The following RNFT2 variants were observed in gnomAD, a reference collection of about 807,000 sequenced individuals.
The protein encoded by RNFT2 is E3 ubiquitin-protein ligase RNFT2.
Under a neutral mutation model 53.0 loss-of-function variants are expected in RNFT2, and 36 were observed. The observed-to-expected ratio is 0.68, with a 90% CI of 0.52 to 0.90. The LOEUF is 0.90. Among genes scored for constraint, RNFT2 ranks in the 40% least tolerant of loss-of-function variants. The pLI, the probability that RNFT2 is intolerant of heterozygous loss-of-function variation, is 0.00. For synonymous variants in RNFT2, 260 were observed against 253.2 expected (o/e 1.03, Z -0.26); for missense variants, 514 against 585.6 (o/e 0.88, Z 1.26).
chr12:116,774,751 G>A (rs1211271254), intron 6 of RNFT2, among the ~76,000 whole-genome samples: 1 of 148,550 alleles, frequency 6.7e-6, no homozygotes, highest in East Asian at 2.0e-4. Context: ...TTCAGTGCAT[G>A]GTCTAGAATG....
chr12:116,824,361 C>T (rs898763954), intron 7 of RNFT2, among the ~76,000 whole-genome samples: 3 of 152,164 alleles, frequency 2.0e-5, no homozygotes, highest in African/African-American at 4.8e-5. Context: ...GAGTCCCAAA[C>T]GCTTTCTATT....
intron 7 of RNFT2, among the ~76,000 whole-genome samples, chr12:116,812,146 G>C (rs997562534): frequency 6.6e-6 from 1 of 152,128 alleles, no homozygotes; most frequent in Non-Finnish European, 1.5e-5. Context: ...TGACTTCAAG[G>C]GGCTGATGGA....
Position 116,750,350 on chromosome 12 carries a change from G to A in RNFT2, c.550+43G>A, listed in dbSNP as rs186663827. On this transcript the variant is annotated intron_variant, in intron 4 of 10. Transcript: ENST00000257575. ...GGGTGTCCTAGCCATGGGCTTCACA[G>A]GCAGGCTGCCTGCAGCCGGTGGGGT... is the stretch of plus-strand genomic sequence containing the variant. The A allele has an allele frequency of 2.6e-6, 4 of 1,552,940 alleles. No homozygotes were observed. The East Asian group carries it at 9.5e-5, about 37-fold the overall frequency.
chr12:116,808,887 T>C (rs1211394716), intron 7 of RNFT2, among the ~76,000 whole-genome samples: 3 of 151,888 alleles, frequency 2.0e-5, no homozygotes, highest in Non-Finnish European at 2.9e-5. Context: ...CCGTTGGAAA[T>C]CGACCTCCAG....
Position 116,809,368 on chromosome 12 carries a change from C to T in RNFT2, c.883-24424C>T, listed in dbSNP as rs144233958. ...GTCCTTCCACTTCGTTGTGAGGTTT[C>T]GGCAACTCCTTCATGTGGCCTGGGG... On this transcript the variant is annotated intron_variant, in intron 7 of 10. Transcript: ENST00000257575. 2.5e-3 allele frequency among the ~76,000 whole-genome samples: 385 copies of T among 152,262 alleles called. 1 individual carries two copies. Among genetic ancestry groups the T allele is most frequent in the Middle Eastern group, 6.8e-3 (2 of 294 alleles).
At chr12:116,758,931 C>G (rs1336235428) in intron 5 of RNFT2, among the ~76,000 whole-genome samples, 1 of 152,180 alleles carries the variant, frequency 6.6e-6, no homozygotes, top group Non-Finnish European at 1.5e-5. Flanking sequence ...GGACGTTTTC[C>G]TCGATTATTC....
intron 7 of RNFT2, among the ~76,000 whole-genome samples, chr12:116,811,117 G>A (rs964635855): frequency 6.6e-6 from 1 of 152,128 alleles, no homozygotes; most frequent in African/African-American, 2.4e-5. Flanking sequence ...TTATCCACCA[G>A]GCATGATGGC....
At chr12:116,779,048 GC>G (rs1873566461) in intron 6 of RNFT2, 146 bp from the exon 7 acceptor site, 2 of 812,174 alleles carry the variant, frequency 2.5e-6, no homozygotes, top group Non-Finnish European at 4.0e-6. Context: ...CAGGTTAGTA[GC>G]AGATTCAGGA....
At chr12:116,835,117 T>C (rs1486681589) in intron 8 of RNFT2, among the ~76,000 whole-genome samples, 4 of 152,176 alleles carry the variant, frequency 2.6e-5, no homozygotes, top group African/African-American at 4.8e-5. Context: ...CCCAAAGTGC[T>C]GGGATTACAG....
Position 116,852,702 on chromosome 12 carries a change from C to A in RNFT2, c.*3254C>A, listed in dbSNP as rs750804070. On this transcript the variant is annotated 3_prime_UTR_variant, in exon 11 of 11. Coordinates refer to ENST00000257575, the MANE Select transcript of RNFT2 (RefSeq NM_001382266.1). ...GAGCTGGAGAAGATTGATGAAAGTG[C>A]AGGTGTGTAAGGAAATAGAACAGTC... is the stretch of plus-strand genomic sequence containing the variant. 3.1e-6 allele frequency: 5 copies of A among 1,613,808 alleles called. No individual in the cohort carries two copies. The highest frequency in any genetic ancestry group is 3.4e-6 in the Non-Finnish European group (4 of 1,179,708).
chr12:116,800,773 C>T lies in RNFT2; in HGVS notation c.882+21425C>T, dbSNP rs190209629. 1.8e-3 allele frequency among the ~76,000 whole-genome samples: 277 copies of T among 150,418 alleles called. 1 individual carries two copies. The highest frequency in any genetic ancestry group is 6.5e-3 in the African/African-American group (265 of 40,578). ...AGGTTGCAGTGAGCTGAGATTGTGC[C>T]GTTGCACTCCAGCCCAGGTGACAGA... On this transcript the variant is annotated intron_variant, in intron 7 of 10. Coordinates refer to ENST00000257575, the MANE Select transcript of RNFT2 (RefSeq NM_001382266.1).
chr12:116,820,901 A>G (rs540458208), intron 7 of RNFT2, among the ~76,000 whole-genome samples: 59 of 152,166 alleles, frequency 3.9e-4, no homozygotes, highest in African/African-American at 1.3e-3. Context: ...TCACTAAACT[A>G]GAAGCCAGCC....
intron 7 of RNFT2, among the ~76,000 whole-genome samples, chr12:116,805,900 C>T (rs1875023837): frequency 6.6e-6 from 1 of 152,202 alleles, no homozygotes; most frequent in Non-Finnish European, 1.5e-5. Flanking sequence ...TTGCTTATGT[C>T]AACTGATTGT....
intron 5 of RNFT2, among the ~76,000 whole-genome samples, chr12:116,763,942 A>G (rs1872803156): frequency 6.6e-6 from 1 of 152,256 alleles, no homozygotes; most frequent in South Asian, 2.1e-4. Flanking sequence ...TCAAAAATGT[A>G]GAACCATCCC....
At chr12:116,744,740 T>C (rs1871816975) in intron 3 of RNFT2, among the ~76,000 whole-genome samples, 2 of 152,178 alleles carry the variant, frequency 1.3e-5, no homozygotes, top group Admixed American at 6.5e-5. Flanking sequence ...AAATCTCGGC[T>C]GGATGCAGGG....
rs1382559092 is a variant in RNFT2, at chr12:116,851,742, C to CT, written c.*2295dup. 1.3e-5 allele frequency: 9 copies of CT among 716,770 alleles called. No individual in the cohort carries two copies. The highest frequency in any genetic ancestry group is 1.8e-5 in the African/African-American group (1 of 54,688). 44.4% of individuals were successfully genotyped at this position (716,770 alleles called of 1,614,324 possible). ...GGTGACAGAGTGAGTGAGACTCTGT[C>CT]TAAAAAAAAAAAGAAAGAAAGAAGG... On this transcript the variant is annotated 3_prime_UTR_variant, in exon 11 of 11. Transcript: ENST00000257575.
In RNFT2 at chr12:116,852,149, T is replaced by A; in HGVS notation, c.*2701T>A. On this transcript the variant is annotated 3_prime_UTR_variant, in exon 11 of 11. Coordinates refer to ENST00000257575, the MANE Select transcript of RNFT2 (RefSeq NM_001382266.1). The stretch of plus-strand genomic sequence containing the variant: ...ACCAGAATCTTGCCTGCCCTATTCC[T>A]CCTCCCAAGTCTGTTCTCTTATTGT... 1 of 1,059,186 alleles carries A rather than the reference T, an allele frequency of 9.4e-7. No homozygotes were observed. Among genetic ancestry groups the A allele is most frequent in the Non-Finnish European group, 1.3e-6 (1 of 778,428 alleles). The allele number at this position is 1,059,186 out of a possible 1,614,324, so 65.6% of individuals were successfully genotyped here.
At chr12:116,794,056 A>G (rs538200821) in intron 7 of RNFT2, among the ~76,000 whole-genome samples, 1 of 152,010 alleles carries the variant, frequency 6.6e-6, no homozygotes, top group South Asian at 2.1e-4. Flanking sequence ...ACTTGAGCCT[A>G]GGAGTTCGAG....
intron 7 of RNFT2, among the ~76,000 whole-genome samples, chr12:116,809,954 C>T (rs1392746087): frequency 2.6e-5 from 4 of 152,290 alleles, no homozygotes; most frequent in South Asian, 4.1e-4. Context: ...GGCTTGCAGA[C>T]GTGAGCCACC....
Sources: gnomAD v4.1 joint callset for allele counts (sites outside exome capture counted in the v4.1 genomes callset) on GRCh38, gnomAD v4.1.1 for gene constraint, MANE v1.5 for transcripts, NCBI Gene and HGNC (gene_info 2026-07-23, HGNC 2026-07-21) for gene names.